RAB11FIP4: variants seen among roughly 807,000 people sequenced by gnomAD.
RAB11FIP4 encodes rab11 family-interacting protein 4.
Under a neutral mutation model 74.3 loss-of-function variants are expected in RAB11FIP4, and 23 were observed. The ratio of observed to expected loss-of-function variants is 0.31; its 90% CI spans 0.22 to 0.44. The LOEUF is 0.44. Among genes scored for constraint, RAB11FIP4 ranks in the 20% least tolerant of loss-of-function variants. RAB11FIP4 has a pLI of 1.00. For missense variants in RAB11FIP4, 630 were observed against 863.9 expected (o/e 0.73, Z 3.39); for synonymous variants, 360 against 359.9 (o/e 1.00, Z 0.00).
intron 1 of RAB11FIP4, among the ~76,000 whole-genome samples, chr17:31,406,036 A>G (rs1483001123): frequency 6.6e-6 from 1 of 152,186 alleles, no homozygotes; most frequent in African/African-American, 2.4e-5. Context: ...CACTGAGCCC[A>G]GCCCACCTGG....
chr17:31,436,196 T>G (rs2071355580), intron 3 of RAB11FIP4, among the ~76,000 whole-genome samples: 1 of 152,132 alleles, frequency 6.6e-6, no homozygotes, highest in Non-Finnish European at 1.5e-5. Context: ...TGAGCGTCAG[T>G]GTCCTCAACT....
At chr17:31,497,708 G>A (rs1245431874) in intron 3 of RAB11FIP4, among the ~76,000 whole-genome samples, 1 of 152,134 alleles carries the variant, frequency 6.6e-6, no homozygotes, top group African/African-American at 2.4e-5. Context: ...GCTGAGTTGG[G>A]GAGGCACCAG....
At position 31,462,927 on chromosome 17, in the gene RAB11FIP4, C is replaced by T. The variant is rs144977820; in HGVS notation, c.336+28805C>T. Among the ~76,000 whole-genome samples the T allele has an allele frequency of 2.9e-3, 448 of 152,294 alleles. 3 individuals carry two copies. The highest frequency in any genetic ancestry group is 9.5e-3 in the African/African-American group (395 of 41,556). On this transcript the variant is annotated intron_variant, in intron 3 of 14. Coordinates refer to ENST00000621161, the MANE Select transcript of RAB11FIP4 (RefSeq NM_032932.6). Reference sequence around the variant, plus strand: ...CTGGCATTACAGGCGTGAGCCACCGCGCCCAGCCTCATACCATCTTCTTGA... The same window carrying T: ...CTGGCATTACAGGCGTGAGCCACCGTGCCCAGCCTCATACCATCTTCTTGA...
intron 3 of RAB11FIP4, among the ~76,000 whole-genome samples, chr17:31,483,599 G>A (rs762043282): frequency 6.6e-6 from 1 of 152,182 alleles, no homozygotes; most frequent in Non-Finnish European, 1.5e-5. Context: ...TCCCTTTTGC[G>A]AAGTCTCCAC....
Position 31,512,630 on chromosome 17 carries a change from C to G in RAB11FIP4, c.337-5021C>G, listed in dbSNP as rs1374149078. On this transcript the variant is annotated intron_variant, in intron 3 of 14. Coordinates refer to ENST00000621161, the MANE Select transcript of RAB11FIP4 (RefSeq NM_032932.6). This position sits in a 1 kb window ranked among gnomAD's most constrained non-coding sequence, Gnocchi z 4.1. ...GGGAGCTGTGAGCTCAGGGCTGGCT[C>G]TGGGTCTTGAGGGACAGAGCCCTGG... Among the ~76,000 whole-genome samples, 1 of 152,170 alleles carries G rather than the reference C, an allele frequency of 6.6e-6. No homozygotes were observed. The highest frequency in any genetic ancestry group is 1.5e-5 in the Non-Finnish European group (1 of 68,010).
chr17:31,489,414 C>T (rs2071963688), intron 3 of RAB11FIP4, among the ~76,000 whole-genome samples: 1 of 151,954 alleles, frequency 6.6e-6, no homozygotes, highest in East Asian at 1.9e-4. Flanking sequence ...GCAATGGGAG[C>T]GCTCTCACTC....
At chr17:31,505,449 A>ATATTAATAT (rs1567680995) in intron 3 of RAB11FIP4, among the ~76,000 whole-genome samples, 1 of 85,068 alleles carries the variant, frequency 1.2e-5, no homozygotes, top group African/African-American at 4.4e-5. Context: ...TATAATATAT[A>ATATTAATAT]ATAATTATTA....
At chr17:31,526,050 C>T (rs2072761262) in intron 10 of RAB11FIP4, 1 of 152,226 alleles carries the variant, frequency 6.6e-6, no homozygotes, top group Non-Finnish European at 1.5e-5. Flanking sequence ...TGTCCCTGCC[C>T]CTGTGCAGTT....
At chr17:31,392,095 C>T in intron 1 of RAB11FIP4, 84 bp downstream of exon 1, 1 of 1,074,306 alleles carries the variant, frequency 9.3e-7, no homozygotes, top group Non-Finnish European at 1.2e-6. Context: ...CCGGGTCACC[C>T]GCGTGGCCCG....
rs1213382436 is a variant in RAB11FIP4 at position 31,448,392 on chromosome 17, A to ATTTTTTTTTTTTTTTTTTTTTTTTTTTT, written c.336+14289_336+14290insTTTTTTTTTTTTTTTTTTTTTTTTTTTT. ...AGGCTCATACCACCACATCCAGCTA[A>ATTTTTTTTTTTTTTTTTTTTTTTTTTTT]TTTTTTTTTTTTTTTTTTTGGCAGA... is the stretch of plus-strand genomic sequence containing the variant. On this transcript the variant is annotated intron_variant, in intron 3 of 14. Transcript: ENST00000621161. The ATTTTTTTTTTTTTTTTTTTTTTTTTTTT allele has an allele frequency of 1.4e-4, 11 of 79,830 alleles. 4 individuals are homozygous for ATTTTTTTTTTTTTTTTTTTTTTTTTTTT. Among genetic ancestry groups the ATTTTTTTTTTTTTTTTTTTTTTTTTTTT allele is most frequent in the African/African-American group, 5.9e-4 (10 of 17,004 alleles). 4.9% of individuals were successfully genotyped at this position (79,830 alleles called of 1,614,324 possible).
At chr17:31,468,387 A>C (rs2071705733) in intron 3 of RAB11FIP4, among the ~76,000 whole-genome samples, 1 of 152,104 alleles carries the variant, frequency 6.6e-6, no homozygotes, top group Non-Finnish European at 1.5e-5. Context: ...CTGCATCCAA[A>C]TCCTGGCTCT....
At chr17:31,426,440 C>T (rs929278487) in intron 1 of RAB11FIP4, among the ~76,000 whole-genome samples, 1 of 152,122 alleles carries the variant, frequency 6.6e-6, no homozygotes, top group African/African-American at 2.4e-5. Flanking sequence ...TGTGAACCCT[C>T]CGTGGACTCC....
chr17:31,537,150 A>G lies in RAB11FIP4; in HGVS notation c.*5418A>G, dbSNP rs772736259. The G allele has an allele frequency of 4.5e-5, 18 of 399,516 alleles. No homozygotes were observed. The highest frequency in any genetic ancestry group is 6.6e-5 in the Non-Finnish European group (15 of 226,402). The allele number at this position is 399,516 out of a possible 1,614,324, so 24.7% of individuals were successfully genotyped here. A position where few individuals can be genotyped will look rare whatever the true frequency, so the allele number is the denominator to read the frequency against. ...TTTGTCCTTGTGCCTTTTCTTCCCC[A>G]TCGCCACTGTACAGGATTTTCCACA... is the stretch of plus-strand genomic sequence containing the variant. On this transcript the variant is annotated 3_prime_UTR_variant, in exon 15 of 15. Transcript: ENST00000621161.
At chr17:31,509,974 C>T (rs1419500984) in intron 3 of RAB11FIP4, among the ~76,000 whole-genome samples, 2 of 152,202 alleles carry the variant, frequency 1.3e-5, no homozygotes, top group Admixed American at 1.3e-4. Context: ...CTGATAAGTA[C>T]CCAGCCTTGC....
chr17:31,453,375 A>C (rs1042043854), intron 3 of RAB11FIP4, among the ~76,000 whole-genome samples: 4 of 134,596 alleles, frequency 3.0e-5, no homozygotes, highest in South Asian at 4.3e-4. Context: ...AAAAAAAAAA[A>C]AAAAACAAAC....
chr17:31,464,096 GAGCCGCCGGGCCC>G, intron 3 of RAB11FIP4, among the ~76,000 whole-genome samples: 1 of 152,166 alleles, frequency 6.6e-6, no homozygotes, highest in African/African-American at 2.4e-5. Flanking sequence ...TTATAGGCGT[GAGCCGCCGGGCCC>G]AGCCTCTTCT....
chr17:31,487,952 T>C, intron 3 of RAB11FIP4: 1 of 730,518 alleles, frequency 1.4e-6, no homozygotes, highest in Non-Finnish European at 1.7e-6. Flanking sequence ...GCCGCGTCCC[T>C]GTCCTCCGCC....
intron 9 of RAB11FIP4, 53 bp from the exon 10 acceptor site, chr17:31,525,037 G>A: frequency 2.6e-6 from 4 of 1,548,942 alleles, no homozygotes; most frequent in Non-Finnish European, 3.5e-6. Context: ...CACAGCCTGG[G>A]TTGGGGTGAA....
chr17:31,424,519 C>T (rs1197253635), intron 1 of RAB11FIP4, among the ~76,000 whole-genome samples: 2 of 151,842 alleles, frequency 1.3e-5, no homozygotes, highest in Non-Finnish European at 2.9e-5. Flanking sequence ...AAGCAATTCT[C>T]CTGCCTCAGC....
Sources: gnomAD v4.1 joint callset for allele counts (sites outside exome capture counted in the v4.1 genomes callset) on GRCh38, gnomAD v4.1.1 for gene constraint, Gnocchi (gnomAD v3.1) non-coding constraint, MANE v1.5 for transcripts, NCBI Gene and HGNC (gene_info 2026-07-23, HGNC 2026-07-21) for gene names.